MLXIPL: variants seen among roughly 807,000 people sequenced by gnomAD.
MLXIPL encodes MLX interacting protein like, also known as carbohydrate-responsive element-binding protein.
Under a neutral mutation model 81.5 loss-of-function variants are expected in MLXIPL, and 49 were observed. That is an observed-to-expected ratio of 0.60 (90% CI 0.48 to 0.76). MLXIPL has a LOEUF of 0.76. Ranked by LOEUF, MLXIPL falls within the 30% of genes least tolerant of loss-of-function variation. The probability of loss-of-function intolerance (pLI) is 0.00; values close to 1 mark genes in which losing one functional copy is unlikely to be tolerated. For synonymous variants in MLXIPL, 466 were observed against 485.5 expected (o/e 0.96, Z 0.53); for missense variants, 1,053 against 1,167.0 (o/e 0.90, Z 1.42).
chr7:73,641,847 G>C, the MLXIPL span, among the ~76,000 whole-genome samples: 17 of 152,152 alleles, frequency 1.1e-4, no homozygotes, highest in African/African-American at 4.1e-4. Context: ...TGTTAGCCAG[G>C]CTGGTCTCAA....
Position 73,607,754 on chromosome 7 carries a change from C to T in MLXIPL, c.401-82G>A, listed in dbSNP as rs1014372879. ...CAGGGGACTGGGACTCAAGTGACAC[C>T]CTGCGAAATCCTGCTTGGCCTTTGA... On this transcript the variant is annotated intron_variant, in intron 2 of 16. Coordinates refer to ENST00000313375, the MANE Select transcript of MLXIPL (RefSeq NM_032951.3). The T allele has an allele frequency of 5.9e-6, 7 of 1,183,420 alleles. No homozygotes were observed. The South Asian group carries it at 9.5e-5, about 16-fold the overall frequency. 73.3% of individuals were successfully genotyped at this position (1,183,420 alleles called of 1,614,324 possible). A position where few individuals can be genotyped will look rare whatever the true frequency, so the allele number is the denominator to read the frequency against.
intron 1 of MLXIPL, 59 bp downstream of exon 1, chr7:73,624,141 G>A: frequency 3.3e-5 from 44 of 1,320,842 alleles, no homozygotes; most frequent in Non-Finnish European, 3.7e-5. Context: ...TCCTGCCCCG[G>A]ACCCCCCCCC....
In MLXIPL at chr7:73,624,393, G is replaced by A; in HGVS notation, c.100C>T (p.Leu34Phe). ...AGCAAGCCGCCCGCGCTGCGCCGGA[G>A]ACTCGGGTCCTCCGAGTCTGTGTCC... ...DSDTDSEDPS[L>F]RRSAGGLLRS... Residue 34 changes from leucine to phenylalanine, a missense_variant, in exon 1 of 17, where the codon CTC becomes TTC. By Grantham distance (22) the Leu-to-Phe change is conservative (BLOSUM62 0). This residue lies in a region of MLXIPL where 226 missense variants were observed against 216.2 expected (regional missense o/e 1.05). Coordinates refer to ENST00000313375, the MANE Select transcript of MLXIPL (RefSeq NM_032951.3). 6.4e-7 allele frequency: 1 copy of A among 1,567,362 alleles called. No homozygotes were observed. Among genetic ancestry groups the A allele is most frequent in the Non-Finnish European group, 8.6e-7 (1 of 1,162,232 alleles).
chr7:73,616,074 G>A lies in MLXIPL; in HGVS notation c.397C>T (p.Gln133Ter). Residue 133 changes from glutamine to a stop codon, truncating the protein, a stop_gained, in exon 2 of 17, where the codon CAG (glutamine) becomes TAG (stop). Transcript: ENST00000313375. LOFTEE classifies it high-confidence loss of function. ...GAGGCTGGTGGTAGCCACTCACACT[G>A]GATATACCAGGCCCTCCAGATGGCG... ...NNAIWRAWYI[Q>*]YVKRRKSPVC... The A allele has an allele frequency of 6.2e-7, 1 of 1,613,496 alleles. No homozygotes were observed.
At chr7:73,628,226 A>G (rs1796783047), upstream of MLXIPL, among the ~76,000 whole-genome samples, 1 of 151,988 alleles carries the variant, frequency 6.6e-6, no homozygotes, top group African/African-American at 2.4e-5. Flanking sequence ...TGAAAACATC[A>G]GAGTTGTCTC....
chr7:73,637,972 C>G, the MLXIPL span, among the ~76,000 whole-genome samples: 2 of 152,192 alleles, frequency 1.3e-5, no homozygotes, highest in African/African-American at 4.8e-5. Flanking sequence ...CTGCCAGGCT[C>G]AGCCTGTCTC....
chr7:73,593,680 G>A lies in MLXIPL; in HGVS notation c.*185C>T, dbSNP rs1252971254. ...GAGCACAGTGGCAGAGCAGGGACGG[G>A]GACTCTGCTCTTCTTGACCTCCAGG... On this transcript the variant is annotated 3_prime_UTR_variant, in exon 17 of 17. Coordinates refer to ENST00000313375, the MANE Select transcript of MLXIPL (RefSeq NM_032951.3). The A allele has an allele frequency of 8.1e-6, 5 of 615,290 alleles. No homozygotes were observed. In the Admixed American group the frequency reaches 9.8e-5, roughly 12 times the overall value. 38.1% of individuals were successfully genotyped at this position (615,290 alleles called of 1,614,324 possible). A position where few individuals can be genotyped will look rare whatever the true frequency, so the allele number is the denominator to read the frequency against.
the MLXIPL span, among the ~76,000 whole-genome samples, chr7:73,642,832 T>C: frequency 2.0e-5 from 3 of 152,226 alleles, no homozygotes; most frequent in Non-Finnish European, 4.4e-5. Flanking sequence ...ATTGATTATG[T>C]GACTGAACGC....
At chr7:73,595,792 G>A (rs1428180038) in intron 14 of MLXIPL, 32 bp from the exon 15 acceptor site, 4 of 1,579,672 alleles carry the variant, frequency 2.5e-6, no homozygotes, top group Non-Finnish European at 3.4e-6. Context: ...GGGGCTGGGG[G>A]TAAGGCGGCA....
At chr7:73,600,930 G>A (rs1258944128) in intron 7 of MLXIPL, among the ~76,000 whole-genome samples, 1 of 147,990 alleles carries the variant, frequency 6.8e-6, no homozygotes, top group Non-Finnish European at 1.5e-5. Context: ...GCTCCCTTCC[G>A]GGCACCTTTC....
At position 73,596,864 on chromosome 7, in the gene MLXIPL, C is replaced by T; in HGVS notation, c.1671+1G>A. Reference sequence around the variant, plus strand: ...CCACCGCCCAGTGCCCGAGATCTTACCGGGGACCCTGGGGACCGGAGGAGG... The same window carrying T: ...CCACCGCCCAGTGCCCGAGATCTTATCGGGGACCCTGGGGACCGGAGGAGG... On this transcript the variant is annotated splice_donor_variant, in intron 10 of 16. Coordinates refer to ENST00000313375, the MANE Select transcript of MLXIPL (RefSeq NM_032951.3). LOFTEE classifies it high-confidence loss of function. This position sits in a 1 kb window ranked among gnomAD's most constrained non-coding sequence, Gnocchi z 4.7. 6.2e-7 allele frequency: 1 copy of T among 1,611,316 alleles called. No homozygotes were observed. Among genetic ancestry groups the T allele is most frequent in the Non-Finnish European group, 8.5e-7 (1 of 1,179,478 alleles).
chr7:73,601,890 G>A (rs754129588), intron 7 of MLXIPL, among the ~76,000 whole-genome samples: 1 of 151,986 alleles, frequency 6.6e-6, no homozygotes, highest in African/African-American at 2.4e-5. Context: ...TGTTGCAGTC[G>A]CTGAACCCTG....
At chr7:73,594,611 C>T (rs1462483491) in intron 15 of MLXIPL, among the ~76,000 whole-genome samples, 6 of 152,002 alleles carry the variant, frequency 3.9e-5, no homozygotes, top group East Asian at 1.9e-4. Flanking sequence ...TGCAGTGGCA[C>T]GATCTCAGCT....
At chr7:73,599,026 C>A (rs1490227535) in intron 8 of MLXIPL, among the ~76,000 whole-genome samples, 1 of 151,448 alleles carries the variant, frequency 6.6e-6, no homozygotes, top group Non-Finnish European at 1.5e-5. Context: ...CGAGATCATG[C>A]CACTGCACTC....
At chr7:73,638,408 G>A in the MLXIPL span, among the ~76,000 whole-genome samples, 374 of 152,300 alleles carry the variant, frequency 2.5e-3, 2 homozygotes, top group African/African-American at 8.8e-3. Flanking sequence ...AGGTTCAAGC[G>A]ATTTTCCTGC....
chr7:73,624,303 G>C lies in MLXIPL; in HGVS notation c.190C>G (p.Arg64Gly), dbSNP rs782509094. The C allele has an allele frequency of 6.3e-7, 1 of 1,586,632 alleles. No homozygotes were observed. Among genetic ancestry groups the C allele is most frequent in the Admixed American group, 1.8e-5 (1 of 55,742 alleles). ...VSSPHSDSLP[R>G]RRDQEGSVGP... is the part of the protein sequence containing the mutation. Reference sequence around the variant, plus strand: ...ACGGACCCCTCCTGGTCGCGCCGCCGGGGCAGCGAGTCGCTGTGCGGCGAC... The same window carrying C: ...ACGGACCCCTCCTGGTCGCGCCGCCCGGGCAGCGAGTCGCTGTGCGGCGAC... The change falls in exon 1 of 17, where the codon CGG becomes GGG. Residue 64 changes from arginine (R) to glycine (G), a missense_variant. Coordinates refer to ENST00000313375, the MANE Select transcript of MLXIPL (RefSeq NM_032951.3).
upstream of MLXIPL, among the ~76,000 whole-genome samples, chr7:73,628,074 G>A (rs984864220): frequency 6.6e-6 from 1 of 151,722 alleles, no homozygotes; most frequent in African/African-American, 2.4e-5. Flanking sequence ...CTTCCACCAC[G>A]GCCTCCCAAA....
At chr7:73,606,446 G>A (rs1264197443) in intron 5 of MLXIPL, 2 of 378,716 alleles carry the variant, frequency 5.3e-6, no homozygotes, top group African/African-American at 2.3e-5. Context: ...TTTTTTTGGA[G>A]ACGGAGTCTC....
chr7:73,606,940 ATGC>A (rs1316398159), intron 5 of MLXIPL, 31 bp downstream of exon 5: 3 of 1,610,850 alleles, frequency 1.9e-6, no homozygotes, highest in Non-Finnish European at 2.5e-6. Flanking sequence ...GGGCAAAGGG[ATGC>A]CCTTGCCTGC....
Sources: allele counts gnomAD v4.1 joint callset (sites outside exome capture counted in the v4.1 genomes callset), GRCh38; gene constraint gnomAD v4.1.1; regional missense constraint gnomAD v4.1.1; non-coding constraint Gnocchi (gnomAD v3.1); transcripts MANE v1.5; gene names NCBI Gene and HGNC (gene_info 2026-07-23, HGNC 2026-07-21).